The following YJU2 variants were observed in gnomAD, a reference collection of about 807,000 sequenced individuals.
YJU2 encodes splicing factor YJU2.
A neutral mutation model predicts 39.6 loss-of-function variants in YJU2; 28 were observed. The observed-to-expected ratio is 0.71, with a 90% CI of 0.52 to 0.97. The LOEUF (loss-of-function observed/expected upper bound fraction) is 0.97. YJU2 is among the 50% of genes least tolerant of loss of function. The probability of loss-of-function intolerance (pLI) is 0.00; values close to 1 mark genes in which losing one functional copy is unlikely to be tolerated. For missense variants in YJU2, 328 were observed against 430.4 expected (o/e 0.76, Z 2.11); for synonymous variants, 184 against 182.4 (o/e 1.01, Z -0.07).
rs1463260993 is a variant in YJU2 at position 4,268,813 on chromosome 19, C to T, written c.*117C>T. 4.1e-6 allele frequency: 3 copies of T among 730,366 alleles called. No homozygotes were observed. The African/African-American group carries it at 5.2e-5, about 13-fold the overall frequency. The allele number at this position is 730,366 out of a possible 1,614,324, so 45.2% of individuals were successfully genotyped here. On this transcript the variant is annotated 3_prime_UTR_variant, in exon 8 of 8. Transcript: ENST00000262962. ...TTGGCGTGACTGGAGGCCGGACAGA[C>T]AAGCGCCAGCGTGCTCCAACACATA...
chr19:4,265,641 T>C (rs1971109528), intron 6 of YJU2, among the ~76,000 whole-genome samples: 1 of 151,788 alleles, frequency 6.6e-6, no homozygotes, highest in African/African-American at 2.4e-5. Context: ...CAGGCTGGAG[T>C]GCAGTGGCAC....
intron 4 of YJU2, among the ~76,000 whole-genome samples, chr19:4,257,758 C>G (rs779850774): frequency 2.6e-5 from 4 of 151,536 alleles, no homozygotes; most frequent in East Asian, 1.9e-4. Context: ...ACAGGCGTGA[C>G]CCATAACACC....
At chr19:4,260,375 C>A (rs1306922408) in intron 5 of YJU2, among the ~76,000 whole-genome samples, 1 of 152,072 alleles carries the variant, frequency 6.6e-6, no homozygotes, top group Admixed American at 6.6e-5. Context: ...TTATAGTGAG[C>A]CGAGATGGTG....
At chr19:4,263,392 G>T (rs1038814892) in intron 6 of YJU2, among the ~76,000 whole-genome samples, 1 of 152,088 alleles carries the variant, frequency 6.6e-6, no homozygotes, top group African/African-American at 2.4e-5. Context: ...CCTCAGATGC[G>T]GCCCACCTCA....
chr19:4,258,885 G>A (rs968833429), intron 5 of YJU2, among the ~76,000 whole-genome samples: 19 of 152,034 alleles, frequency 1.2e-4, no homozygotes, highest in African/African-American at 4.3e-4. Flanking sequence ...CGGGATTCCA[G>A]ACTCCAGAGG....
Position 4,261,854 on chromosome 19 carries a change from C to T in YJU2, c.588-140C>T, listed in dbSNP as rs1421575256. 9.2e-6 allele frequency: 7 copies of T among 758,102 alleles called. No homozygotes were observed. In the African/African-American group the frequency reaches 1.2e-4, roughly 13 times the overall value. The allele number at this position is 758,102 out of a possible 1,614,324, so 47.0% of individuals were successfully genotyped here. On this transcript the variant is annotated intron_variant, in intron 5 of 7. Coordinates refer to ENST00000262962, the MANE Select transcript of YJU2 (RefSeq NM_018074.6). ...TAAAAAAAAAAAGTAATCTGTGCTC[C>T]CCCTACTCCCTCCCACCCCTGCTCA...
At chr19:4,254,780 G>A (rs1437379769) in intron 4 of YJU2, among the ~76,000 whole-genome samples, 1 of 151,870 alleles carries the variant, frequency 6.6e-6, no homozygotes, top group African/African-American at 2.4e-5. Flanking sequence ...ACTTAACACT[G>A]GGCGCAGTGG....
chr19:4,250,453 A>C (rs979641355), intron 2 of YJU2, among the ~76,000 whole-genome samples: 1 of 152,046 alleles, frequency 6.6e-6, no homozygotes, highest in African/African-American at 2.4e-5. Context: ...GGCAGGAGAG[A>C]GCCCCTGGGG....
intron 6 of YJU2, among the ~76,000 whole-genome samples, chr19:4,263,563 A>T (rs1011969383): frequency 4.6e-5 from 7 of 152,104 alleles, no homozygotes; most frequent in African/African-American, 1.7e-4. Context: ...TAATCCCAGC[A>T]CTTTGGGAGG....
rs1568359699 is a variant in YJU2, at chr19:4,247,657, GT to G, written c.24+488del. On this transcript the variant is annotated intron_variant, in intron 1 of 7. Transcript: ENST00000262962. The stretch of plus-strand genomic sequence containing the variant: ...TGTGTGTGTGTGTGTGTGTGTGTGT[GT>G]GTGTGTGTGTGTGTGTGTGTGTGTG... Among the ~76,000 whole-genome samples the G allele has an allele frequency of 6.1e-3, 435 of 71,288 alleles. 42 individuals are homozygous for G. The highest frequency in any genetic ancestry group is 0.011 in the African/African-American group (151 of 13,952). 46.8% of individuals were successfully genotyped at this position (71,288 alleles called of 152,430 possible). A position where few individuals can be genotyped will look rare whatever the true frequency, so the allele number is the denominator to read the frequency against.
intron 1 of YJU2, among the ~76,000 whole-genome samples, chr19:4,247,624 T>C (rs1165969848): frequency 0.2 from 8,012 of 39,790 alleles, 1,980 homozygotes; most frequent in South Asian, 0.32. Context: ...TGTGTGTGTG[T>C]GTGTGTGTGT....
intron 1 of YJU2, 176 bp downstream of exon 1, chr19:4,247,346 G>A: frequency 1.5e-5 from 9 of 581,428 alleles, no homozygotes; most frequent in South Asian, 1.5e-4. Flanking sequence ...CGTCGGGGGG[G>A]TGGGCCTTCG....
rs555651825 is a variant in YJU2 at position 4,268,310 on chromosome 19, C to T, written c.860-274C>T. Reference sequence around the variant, plus strand: ...GGCGATTAAGTCCACAGTGACTGGACTGTGAACTTTGCGCCATTTCCATTC... The same window carrying T: ...GGCGATTAAGTCCACAGTGACTGGATTGTGAACTTTGCGCCATTTCCATTC... On this transcript the variant is annotated intron_variant, in intron 7 of 7. Coordinates refer to ENST00000262962, the MANE Select transcript of YJU2 (RefSeq NM_018074.6). 2.6e-5 allele frequency among the ~76,000 whole-genome samples: 4 copies of T among 152,366 alleles called. No individual in the cohort carries two copies. In the East Asian group the frequency reaches 7.7e-4, roughly 29 times the overall value.
intron 5 of YJU2, 152 bp from the exon 6 acceptor site, chr19:4,261,842 T>A: frequency 4.5e-6 from 3 of 659,486 alleles, no homozygotes; most frequent in South Asian, 2.1e-5. Context: ...AAAAAAAAAG[T>A]AATCTGTGCT....
Position 4,254,376 on chromosome 19 carries a change from TAC to T in YJU2, c.295_296del (p.Thr99HisfsTer12). The T allele has an allele frequency of 6.2e-7, 1 of 1,613,662 alleles. No individual in the cohort carries two copies. Among genetic ancestry groups the T allele is most frequent in the South Asian group, 1.1e-5 (1 of 91,042 alleles). ...TFKTDPENTD[Y>X]TMEHGATRNF... The stretch of plus-strand genomic sequence containing the variant: ...GCAGACAGACCCTGAAAACACAGAC[TAC>T]ACCATGGAGCATGGAGCCACGCGGA... On this transcript the variant is annotated frameshift_variant, in exon 4 of 8. Coordinates refer to ENST00000262962, the MANE Select transcript of YJU2 (RefSeq NM_018074.6). LOFTEE classifies it high-confidence loss of function.
intron 1 of YJU2, among the ~76,000 whole-genome samples, chr19:4,247,575 GGTGGCGCGTGT>G (rs1970931651): frequency 2.2e-5 from 2 of 88,992 alleles, no homozygotes; most frequent in African/African-American, 6.3e-5. Context: ...GGTGGGGTGG[GGTGGCGCGTGT>G]GTGTGTGTGT....
intron 5 of YJU2, 139 bp downstream of exon 5, chr19:4,258,562 T>C (rs1436626129): frequency 1.5e-6 from 2 of 1,350,922 alleles, no homozygotes; most frequent in East Asian, 2.5e-5. Context: ...TCTCACTTTC[T>C]CCCTTGTGGC....
In YJU2 at chr19:4,268,719, G is replaced by C; in HGVS notation, c.*23G>C. The stretch of plus-strand genomic sequence containing the variant: ...TGAGCCCTCCCAGGACCCCCTCACG[G>C]GGTCAAAGTCACACGTCCAGCTTCA... On this transcript the variant is annotated 3_prime_UTR_variant, in exon 8 of 8. Coordinates refer to ENST00000262962, the MANE Select transcript of YJU2 (RefSeq NM_018074.6). 6.4e-7 allele frequency: 1 copy of C among 1,551,146 alleles called. No individual in the cohort carries two copies.
chr19:4,269,071 T>G lies in YJU2; in HGVS notation c.*375T>G. The G allele has an allele frequency of 5.2e-6, 1 of 193,918 alleles. No individual in the cohort carries two copies. Among genetic ancestry groups the G allele is most frequent in the Non-Finnish European group, 1.1e-5 (1 of 93,778 alleles). 12.0% of individuals were successfully genotyped at this position (193,918 alleles called of 1,614,324 possible). A position where few individuals can be genotyped will look rare whatever the true frequency, so the allele number is the denominator to read the frequency against. ...CCTTCCACAAACTGTCTAGAACCAA[T>G]AAAAGGAAACCTGCCAACCGCCTGG... On this transcript the variant is annotated 3_prime_UTR_variant, in exon 8 of 8. Transcript: ENST00000262962.
Sources: allele counts gnomAD v4.1 joint callset (sites outside exome capture counted in the v4.1 genomes callset), GRCh38; gene constraint gnomAD v4.1.1; transcripts MANE v1.5; gene names NCBI Gene and HGNC (gene_info 2026-07-23, HGNC 2026-07-21).